The following CYYR1 variants were observed in gnomAD, a reference collection of about 807,000 sequenced individuals.
The protein encoded by CYYR1 is cysteine and tyrosine-rich protein 1.
In CYYR1, 14 loss-of-function variants were observed where a neutral mutation model predicts 15.2. The observed-to-expected ratio is 0.92, with a 90% CI of 0.61 to 1.44. CYYR1 has a LOEUF of 1.44. CYYR1 is among the 40% of genes most tolerant of loss of function. The probability of loss-of-function intolerance (pLI) is 0.00; values close to 1 mark genes in which losing one functional copy is unlikely to be tolerated. For synonymous variants in CYYR1, 80 were observed against 77.4 expected (o/e 1.03, Z -0.18); for missense variants, 228 against 209.5 (o/e 1.09, Z -0.54).
Position 26,506,056 on chromosome 21 carries a change from T to C in CYYR1, c.177-25627A>G, listed in dbSNP as rs12627351. ...ATGGAACCATGACCACACCAACATA[T>C]AGCATGCATCCGTCATCTCAATAGG... On this transcript the variant is annotated intron_variant, in intron 2 of 3. Transcript: ENST00000652641. Among the ~76,000 whole-genome samples, 774 of 152,198 alleles carry C rather than the reference T, an allele frequency of 5.1e-3. 12 individuals are homozygous for C. The highest frequency in any genetic ancestry group is 0.036 in the East Asian group (187 of 5,174).
chr21:26,511,678 C>G (rs769891906), intron 2 of CYYR1, among the ~76,000 whole-genome samples: 1 of 152,154 alleles, frequency 6.6e-6, no homozygotes, highest in Non-Finnish European at 1.5e-5. Context: ...AAAGTGAAGG[C>G]TTCTTTGTTT....
At chr21:26,516,637 G>C (rs2065730461) in intron 2 of CYYR1, among the ~76,000 whole-genome samples, 1 of 152,154 alleles carries the variant, frequency 6.6e-6, no homozygotes, top group Admixed American at 6.5e-5. Context: ...TATTATGTAT[G>C]ATAATGGTCA....
At chr21:26,486,505 T>G (rs1396272454) in intron 2 of CYYR1, among the ~76,000 whole-genome samples, 1 of 152,128 alleles carries the variant, frequency 6.6e-6, no homozygotes, top group East Asian at 1.9e-4. Context: ...GATAGCCAGC[T>G]ACTTCAGTAC....
chr21:26,547,321 C>T (rs1182013708), intron 2 of CYYR1, among the ~76,000 whole-genome samples: 1 of 152,098 alleles, frequency 6.6e-6, no homozygotes, highest in African/African-American at 2.4e-5. Flanking sequence ...AAAACAATTA[C>T]CTATGATCCC....
chr21:26,541,743 A>C (rs1229878138), intron 2 of CYYR1, among the ~76,000 whole-genome samples: 3 of 152,220 alleles, frequency 2.0e-5, no homozygotes, highest in African/African-American at 7.2e-5. Flanking sequence ...AAACGTGAAA[A>C]TACAGAATTA....
intron 2 of CYYR1, among the ~76,000 whole-genome samples, chr21:26,494,716 C>T (rs1448860813): frequency 6.6e-6 from 1 of 151,894 alleles, no homozygotes; most frequent in Non-Finnish European, 1.5e-5. Flanking sequence ...CATTGTGCCC[C>T]ATAAATATAT....
rs894075584 is a variant in CYYR1 at position 26,483,156 on chromosome 21, G to T, written c.177-2727C>A. 2.0e-5 allele frequency among the ~76,000 whole-genome samples: 3 copies of T among 151,884 alleles called. No homozygotes were observed. The East Asian group carries it at 5.8e-4, about 29-fold the overall frequency. On this transcript the variant is annotated intron_variant, in intron 2 of 3. Transcript: ENST00000652641. Reference sequence around the variant, plus strand: ...AAGTTGTACTAAACTTTAAATTACAGTTATCTTATTTTTAATTTTCTGGTG... The same window carrying T: ...AAGTTGTACTAAACTTTAAATTACATTTATCTTATTTTTAATTTTCTGGTG...
chr21:26,468,070 A>T lies in CYYR1; in HGVS notation c.*431T>A. On this transcript the variant is annotated 3_prime_UTR_variant, in exon 4 of 4. Coordinates refer to ENST00000652641, the MANE Select transcript of CYYR1 (RefSeq NM_001320768.2). ...ACATTTATTGATGAATGAAAGAATG[A>T]ACAATTCTAGTTCTGACTTTTAAAG... 4.4e-6 allele frequency: 1 copy of T among 228,558 alleles called. No individual in the cohort carries two copies. The highest frequency in any genetic ancestry group is 8.7e-6 in the Non-Finnish European group (1 of 114,926). The allele number at this position is 228,558 out of a possible 1,614,324, so 14.2% of individuals were successfully genotyped here. A position where few individuals can be genotyped will look rare whatever the true frequency, so the allele number is the denominator to read the frequency against.
chr21:26,539,432 C>A (rs1359376197), intron 2 of CYYR1, among the ~76,000 whole-genome samples: 1 of 152,202 alleles, frequency 6.6e-6, no homozygotes, highest in Non-Finnish European at 1.5e-5. Context: ...AATTCAAATA[C>A]TGTCTGATAA....
At chr21:26,494,842 C>T (rs2065373154) in intron 2 of CYYR1, among the ~76,000 whole-genome samples, 1 of 152,098 alleles carries the variant, frequency 6.6e-6, no homozygotes, top group South Asian at 2.1e-4. Context: ...TTGAAATTCC[C>T]ATAGACCAGG....
At chr21:26,539,889 T>C (rs1978426444) in intron 2 of CYYR1, among the ~76,000 whole-genome samples, 1 of 152,192 alleles carries the variant, frequency 6.6e-6, no homozygotes, top group South Asian at 2.1e-4. Flanking sequence ...CATTCATAAG[T>C]AGCATTTTAA....
At chr21:26,508,515 TG>T (rs1038982371) in intron 2 of CYYR1, among the ~76,000 whole-genome samples, 2 of 152,084 alleles carry the variant, frequency 1.3e-5, no homozygotes, top group East Asian at 1.9e-4. Flanking sequence ...ATTGTGGTAA[TG>T]GGGGCTTTCT....
chr21:26,477,923 A>G, intron 3 of CYYR1: 1 of 1,310,682 alleles, frequency 7.6e-7, no homozygotes, highest in Non-Finnish European at 9.8e-7. Context: ...AATATTTGAA[A>G]TTGCATGTTA....
chr21:26,497,652 C>T (rs916625009), intron 2 of CYYR1, among the ~76,000 whole-genome samples: 5 of 152,150 alleles, frequency 3.3e-5, no homozygotes, highest in African/African-American at 9.6e-5. Context: ...TATTAAACTA[C>T]CATGGACTAG....
rs1257841702 is a variant in CYYR1 at position 26,552,875 on chromosome 21, C to A, written c.176+13391G>T. On this transcript the variant is annotated intron_variant, in intron 2 of 3. Coordinates refer to ENST00000652641, the MANE Select transcript of CYYR1 (RefSeq NM_001320768.2). ...TGTTTTCACATTAAATAGTCGATTG[C>A]ATTTTAACAAACTCAAGAGGAGAAA... is the stretch of plus-strand genomic sequence containing the variant. 2.0e-5 allele frequency among the ~76,000 whole-genome samples: 3 copies of A among 152,204 alleles called. No homozygotes were observed. In the East Asian group the frequency reaches 5.8e-4, roughly 29 times the overall value.
intron 3 of CYYR1, among the ~76,000 whole-genome samples, chr21:26,472,383 G>A (rs1451448844): frequency 2.0e-5 from 3 of 151,684 alleles, no homozygotes; most frequent in Non-Finnish European, 4.4e-5. Context: ...GCTGGCTTAA[G>A]TAACACATAC....
intron 2 of CYYR1, among the ~76,000 whole-genome samples, chr21:26,562,799 A>ACACACACAC (rs1980321214): frequency 2.0e-4 from 26 of 132,488 alleles, no homozygotes; most frequent in Non-Finnish European, 2.9e-4. Context: ...GACATACACA[A>ACACACACAC]ACACACACAC....
intron 2 of CYYR1, among the ~76,000 whole-genome samples, chr21:26,509,722 C>A (rs1162752121): frequency 6.6e-6 from 1 of 152,204 alleles, no homozygotes; most frequent in African/African-American, 2.4e-5. Flanking sequence ...CCATCTCAAT[C>A]TATGGCTTCC....
intron 2 of CYYR1, among the ~76,000 whole-genome samples, chr21:26,520,080 T>C (rs1478737113): frequency 7.1e-6 from 1 of 141,338 alleles, no homozygotes; most frequent in Admixed American, 7.1e-5. Flanking sequence ...GCCTTCTTTT[T>C]CTTTATTTCT....
Sources: allele counts gnomAD v4.1 joint callset (sites outside exome capture counted in the v4.1 genomes callset), GRCh38; gene constraint gnomAD v4.1.1; transcripts MANE v1.5; gene names NCBI Gene and HGNC (gene_info 2026-07-23, HGNC 2026-07-21).